ATP6V0A4: variants seen among roughly 807,000 people sequenced by gnomAD.
ATP6V0A4 encodes the protein V-type proton ATPase 116 kDa subunit a 4.
Under a neutral mutation model 107.3 loss-of-function variants are expected in ATP6V0A4, and 86 were observed. The observed-to-expected ratio is 0.80, with a 90% CI of 0.67 to 0.96. ATP6V0A4 has a LOEUF of 0.96. Ranked by LOEUF, ATP6V0A4 falls within the 40% of genes least tolerant of loss-of-function variation. ATP6V0A4 has a pLI of 0.00. For synonymous variants in ATP6V0A4, 353 were observed against 381.4 expected, an observed-to-expected ratio of 0.93 and a Z score of 0.87; for missense variants, 908 against 1,045.6, an observed-to-expected ratio of 0.87 and a Z score of 1.81.
chr7:138,743,457 C>CA (rs11458268), intron 14 of ATP6V0A4, among the ~76,000 whole-genome samples: 72,236 of 124,918 alleles, frequency 0.58, 20,155 homozygotes, highest in East Asian at 0.91. Flanking sequence ...GACTCCATCT[C>CA]AAAAAAAAAA....
chr7:138,740,667 C>A (rs918598220), intron 14 of ATP6V0A4, among the ~76,000 whole-genome samples: 11 of 151,314 alleles, frequency 7.3e-5, no homozygotes, highest in Admixed American at 5.9e-4. Flanking sequence ...GTCTCGAACT[C>A]CTGACCTCAA....
At position 138,772,545 on chromosome 7, in the gene ATP6V0A4, C is replaced by T. The variant is rs952225040; in HGVS notation, c.-17-1281G>A. On this transcript the variant is annotated intron_variant, in intron 2 of 21. Transcript: ENST00000310018. ...ATACAGTCATAAGTGTGTATTGACA[C>T]TGCTGATTAAAGAAAGACTAAGACT... Among the ~76,000 whole-genome samples the T allele has an allele frequency of 2.0e-5, 3 of 152,130 alleles. No homozygotes were observed. In the East Asian group the frequency reaches 5.8e-4, roughly 29 times the overall value.
intron 1 of ATP6V0A4, among the ~76,000 whole-genome samples, chr7:138,790,523 G>A (rs1184226547): frequency 1.3e-5 from 2 of 152,140 alleles, no homozygotes; most frequent in African/African-American, 4.8e-5. Flanking sequence ...TCAAACTCCT[G>A]ACCTCAGGTG....
chr7:138,756,457 C>A lies in ATP6V0A4; in HGVS notation c.722+1G>T. The A allele has an allele frequency of 6.2e-7, 1 of 1,611,470 alleles. No homozygotes were observed. Among genetic ancestry groups the A allele is most frequent in the African/African-American group, 1.3e-5 (1 of 74,880 alleles). On this transcript the variant is annotated splice_donor_variant, in intron 9 of 21. Coordinates refer to ENST00000310018, the MANE Select transcript of ATP6V0A4 (RefSeq NM_020632.3). LOFTEE classifies it high-confidence loss of function. The stretch of plus-strand genomic sequence containing the variant: ...AGAAAGAGCCATTCACTCCCTCTTA[C>A]CCATCACAGATCTTCTTGATTTTCT...
At chr7:138,712,132 A>G (rs6977221) in intron 20 of ATP6V0A4, among the ~76,000 whole-genome samples, 18,261 of 152,112 alleles carry the variant, frequency 0.12, 1,506 homozygotes, top group African/African-American at 0.23. Context: ...GGGTTTTACC[A>G]TGTTGGCCAG....
chr7:138,710,570 A>AT (rs1803688990), intron 20 of ATP6V0A4, among the ~76,000 whole-genome samples: 1 of 152,224 alleles, frequency 6.6e-6, no homozygotes, highest in South Asian at 2.1e-4. Flanking sequence ...TATTTTATGC[A>AT]TTTTTGTAAA....
Position 138,745,222 on chromosome 7 carries a change from A to G in ATP6V0A4, c.1379T>C (p.Ile460Thr). Reference sequence around the variant, plus strand: ...GTCATTGTAGATCAAACCCGTGTAGATGGAGAAGATGCCCATAAGTAGGAT... The same window carrying G: ...GTCATTGTAGATCAAACCCGTGTAGGTGGAGAAGATGCCCATAAGTAGGAT... ...YLILLMGIFS[I>T]YTGLIYNDCF... The change falls in exon 14 of 22, where the codon ATC (isoleucine) becomes ACC (threonine). Residue 460 changes from isoleucine (I) to threonine (T), a missense_variant. By Grantham distance (89) the Ile-to-Thr change is moderately conservative. Coordinates refer to ENST00000310018, the MANE Select transcript of ATP6V0A4 (RefSeq NM_020632.3). 6.2e-7 allele frequency: 1 copy of G among 1,614,180 alleles called. No individual in the cohort carries two copies. The highest frequency in any genetic ancestry group is 8.5e-7 in the Non-Finnish European group (1 of 1,180,000).
chr7:138,777,084 G>C (rs1465661133), intron 2 of ATP6V0A4, among the ~76,000 whole-genome samples: 1 of 151,872 alleles, frequency 6.6e-6, no homozygotes, highest in Non-Finnish European at 1.5e-5. Flanking sequence ...GGGAAGTGGA[G>C]GTTGCAGTGA....
Position 138,706,353 on chromosome 7 carries a change from C to G in ATP6V0A4, c.*271G>C. The G allele has an allele frequency of 2.2e-6, 1 of 455,894 alleles. No homozygotes were observed. The highest frequency in any genetic ancestry group is 2.4e-5 in the South Asian group (1 of 41,140). 28.2% of individuals were successfully genotyped at this position (455,894 alleles called of 1,614,324 possible). On this transcript the variant is annotated 3_prime_UTR_variant, in exon 22 of 22. Coordinates refer to ENST00000310018, the MANE Select transcript of ATP6V0A4 (RefSeq NM_020632.3). ...TATTTAAAATATTGCAAGAAGACAT[C>G]TGTTTAGCATTCTCCCCTCATTTGT...
intron 1 of ATP6V0A4, among the ~76,000 whole-genome samples, chr7:138,787,084 A>G (rs1395097354): frequency 6.6e-6 from 1 of 152,106 alleles, no homozygotes; most frequent in Non-Finnish European, 1.5e-5. Flanking sequence ...AGCAGATGCA[A>G]TTTGCTCAAG....
At chr7:138,793,329 G>T (rs928211211) in intron 1 of ATP6V0A4, among the ~76,000 whole-genome samples, 3 of 152,076 alleles carry the variant, frequency 2.0e-5, no homozygotes, top group Non-Finnish European at 4.4e-5. Context: ...ATTACACAAT[G>T]ATTTTTTAAA....
intron 2 of ATP6V0A4, among the ~76,000 whole-genome samples, chr7:138,784,238 A>ATATATATATACG (rs1808055289): frequency 2.0e-5 from 1 of 49,004 alleles, no homozygotes; most frequent in African/African-American, 8.7e-5. Context: ...ATATATACGT[A>ATATATATATACG]TATATATATA....
At chr7:138,711,194 C>A (rs902453959) in intron 20 of ATP6V0A4, among the ~76,000 whole-genome samples, 1 of 151,920 alleles carries the variant, frequency 6.6e-6, no homozygotes, top group Non-Finnish European at 1.5e-5. Flanking sequence ...GGCTGACAGT[C>A]GGGGAATGTT....
chr7:138,743,782 C>T (rs1330665882), intron 14 of ATP6V0A4, among the ~76,000 whole-genome samples: 1 of 152,112 alleles, frequency 6.6e-6, no homozygotes, highest in African/African-American at 2.4e-5. Context: ...TGTTAGGAAA[C>T]GTCACCATTG....
intron 1 of ATP6V0A4, among the ~76,000 whole-genome samples, chr7:138,788,753 T>C (rs560652320): frequency 5.7e-4 from 87 of 152,184 alleles, no homozygotes; most frequent in Non-Finnish European, 1.1e-3. Context: ...GTTCTCATGA[T>C]AGGAAATGAG....
chr7:138,740,684 C>T (rs187281763), intron 14 of ATP6V0A4, among the ~76,000 whole-genome samples: 2,684 of 151,526 alleles, frequency 0.018, 90 homozygotes, highest in African/African-American at 0.062. Context: ...TCAAGTGATC[C>T]GCCTGCCTCG....
intron 21 of ATP6V0A4, 172 bp from the exon 22 acceptor site, chr7:138,706,889 A>AATTTTTTTTTTTTTTTTTTTT (rs1271522601): frequency 4.8e-6 from 1 of 207,172 alleles, no homozygotes; most frequent in African/African-American, 4.3e-5. Context: ...AATCCTGAGG[A>AATTTTTTTTTTTTTTTTTTTT]TTTTTTTTTT....
intron 11 of ATP6V0A4, 85 bp from the exon 12 acceptor site, chr7:138,749,402 T>C (rs1029227573): frequency 1.6e-5 from 25 of 1,528,650 alleles, no homozygotes; most frequent in African/African-American, 2.8e-5. Flanking sequence ...TCCCAGCTCC[T>C]GCCGTCCCTC....
intron 13 of ATP6V0A4, among the ~76,000 whole-genome samples, chr7:138,746,508 T>TTG (rs1554396186): frequency 9.1e-6 from 1 of 109,818 alleles, no homozygotes; most frequent in Non-Finnish European, 2.0e-5. Context: ...ATTGCAGATA[T>TTG]TTTTTTTTTT....
Sources: gnomAD v4.1 joint callset for allele counts (sites outside exome capture counted in the v4.1 genomes callset) on GRCh38, gnomAD v4.1.1 for gene constraint, MANE v1.5 for transcripts, NCBI Gene and HGNC (gene_info 2026-07-23, HGNC 2026-07-21) for gene names.